Variants in ATL1 observed in about 807,000 individuals in gnomAD.
ATL1 encodes atlastin GTPase 1.
Under a neutral mutation model 75.5 loss-of-function variants are expected in ATL1, and 31 were observed. The ratio of observed to expected loss-of-function variants is 0.41; its 90% CI spans 0.31 to 0.55. The LOEUF is 0.55. Ranked by LOEUF, ATL1 falls within the 20% of genes least tolerant of loss-of-function variation. The probability of loss-of-function intolerance (pLI) is 0.27; values close to 1 mark genes in which losing one functional copy is unlikely to be tolerated. For missense variants in ATL1, 405 were observed against 662.6 expected (o/e 0.61, Z 4.27); for synonymous variants, 226 against 233.3 (o/e 0.97, Z 0.28).
intron 6 of ATL1, among the ~76,000 whole-genome samples, chr14:50,600,519 A>G (rs1252030744): frequency 6.6e-6 from 1 of 152,234 alleles, no homozygotes; most frequent in Non-Finnish European, 1.5e-5. Flanking sequence ...AAAACAAAAA[A>G]TACATTATAA....
At chr14:50,567,279 G>A (rs1184023600) in intron 1 of ATL1, among the ~76,000 whole-genome samples, 3 of 151,638 alleles carry the variant, frequency 2.0e-5, no homozygotes, top group Admixed American at 6.6e-5. Flanking sequence ...CATCCATATT[G>A]TAGAATATAT....
intron 8 of ATL1, among the ~76,000 whole-genome samples, chr14:50,619,303 C>G (rs1216696368): frequency 6.6e-6 from 1 of 152,102 alleles, no homozygotes; most frequent in East Asian, 1.9e-4. Context: ...TCATGATCCA[C>G]CCGCCTCAGC....
At chr14:50,585,834 G>T (rs1258294452) in intron 1 of ATL1, among the ~76,000 whole-genome samples, 1 of 152,102 alleles carries the variant, frequency 6.6e-6, no homozygotes, top group Non-Finnish European at 1.5e-5. Flanking sequence ...TTATCTTTCA[G>T]ATAAAAAGTC....
chr14:50,574,985 A>C (rs1241383150), intron 1 of ATL1, among the ~76,000 whole-genome samples: 1 of 86,532 alleles, frequency 1.2e-5, no homozygotes, highest in African/African-American at 4.4e-5. Context: ...ATTAGCTTTT[A>C]CTAGTTATGA....
intron 4 of ATL1, among the ~76,000 whole-genome samples, chr14:50,592,723 A>G (rs2039171057): frequency 6.6e-6 from 1 of 151,486 alleles, no homozygotes; most frequent in Non-Finnish European, 1.5e-5. Context: ...CATCCTGGCT[A>G]ACACGGTGAA....
At chr14:50,625,248 A>G (rs965044926) in intron 11 of ATL1, among the ~76,000 whole-genome samples, 2 of 152,196 alleles carry the variant, frequency 1.3e-5, no homozygotes, top group South Asian at 2.1e-4. Context: ...GTTCAATTCT[A>G]TGAATGCTGA....
intron 6 of ATL1, among the ~76,000 whole-genome samples, chr14:50,600,105 T>G (rs1452940759): frequency 6.6e-6 from 1 of 151,948 alleles, no homozygotes; most frequent in Non-Finnish European, 1.5e-5. Context: ...AGTAGGGAAC[T>G]CCATTGTAAA....
chr14:50,570,117 A>G lies in ATL1; in HGVS notation c.34+9818A>G, dbSNP rs145388978. 3.6e-4 allele frequency among the ~76,000 whole-genome samples: 55 copies of G among 152,306 alleles called. No homozygotes were observed. In the East Asian group the frequency reaches 8.7e-3, roughly 24 times the overall value. ...TTGGAAAGTTTTCAGCTATTATTCT[A>G]CAAATAATCTCTCTGCCACTTTCTC... On this transcript the variant is annotated intron_variant, in intron 1 of 13. Coordinates refer to ENST00000358385, the MANE Select transcript of ATL1 (RefSeq NM_015915.5).
chr14:50,542,199 C>T (rs1326679935), intron 1 of ATL1, among the ~76,000 whole-genome samples: 1 of 146,880 alleles, frequency 6.8e-6, no homozygotes, highest in Non-Finnish European at 1.5e-5. Context: ...AGTTACCCTG[C>T]ATGTTCTCAC....
intron 2 of ATL1, 127 bp downstream of exon 2, chr14:50,588,205 A>G: frequency 1.6e-6 from 2 of 1,227,444 alleles, no homozygotes; most frequent in Admixed American, 4.0e-5. Flanking sequence ...AGCTAAAGAA[A>G]TGCTGTGGTG....
intron 1 of ATL1, among the ~76,000 whole-genome samples, chr14:50,582,410 C>T (rs914681535): frequency 7.0e-6 from 1 of 143,652 alleles, no homozygotes; most frequent in African/African-American, 2.5e-5. Context: ...AAACTTTTCT[C>T]TTTTTTTTTT....
chr14:50,577,169 T>C (rs937612719), intron 1 of ATL1, among the ~76,000 whole-genome samples: 1 of 151,760 alleles, frequency 6.6e-6, no homozygotes. Flanking sequence ...TTCAAGCGAT[T>C]CTCCTGCCTT....
intron 1 of ATL1, among the ~76,000 whole-genome samples, chr14:50,584,257 A>G (rs1595595699): frequency 6.6e-6 from 1 of 152,236 alleles, no homozygotes; most frequent in African/African-American, 2.4e-5. Context: ...GTGTGCCTGT[A>G]GTCCCATCTA....
At chr14:50,596,850 T>A (rs59933378) in intron 6 of ATL1, among the ~76,000 whole-genome samples, 1,800 of 151,908 alleles carry the variant, frequency 0.012, 36 homozygotes, top group African/African-American at 0.042. Flanking sequence ...GGGAAAAAAA[T>A]ATAGCCATAA....
At chr14:50,629,371 C>T (rs1208476455) in intron 12 of ATL1, among the ~76,000 whole-genome samples, 1 of 151,960 alleles carries the variant, frequency 6.6e-6, no homozygotes, top group East Asian at 1.9e-4. Context: ...CATCTGAGGT[C>T]GGGAGTTTGA....
At chr14:50,629,344 G>C (rs888995353) in intron 12 of ATL1, among the ~76,000 whole-genome samples, 1 of 152,074 alleles carries the variant, frequency 6.6e-6, no homozygotes, top group African/African-American at 2.4e-5. Context: ...CACTTTCCGA[G>C]GCCAAAGTGG....
upstream of ATL1, chr14:50,560,108 C>T (rs2038816647): frequency 1.1e-5 from 9 of 807,036 alleles, no homozygotes; most frequent in Admixed American, 1.7e-4. Context: ...CCCTTTTCCT[C>T]CCCACTCCTT....
chr14:50,587,755 G>A, intron 1 of ATL1, 76 bp from the exon 2 acceptor site: 1 of 1,588,428 alleles, frequency 6.3e-7, no homozygotes, highest in Non-Finnish European at 8.6e-7. Flanking sequence ...TCGGATGTTT[G>A]AGAGTTAAGA....
intron 1 of ATL1, among the ~76,000 whole-genome samples, chr14:50,575,674 T>C (rs1211462642): frequency 6.6e-6 from 1 of 152,200 alleles, no homozygotes; most frequent in Non-Finnish European, 1.5e-5. Context: ...ATAGTTTCCT[T>C]GGTGGTATGT....
Sources: gnomAD v4.1 joint callset for allele counts (sites outside exome capture counted in the v4.1 genomes callset) on GRCh38, gnomAD v4.1.1 for gene constraint, MANE v1.5 for transcripts, NCBI Gene and HGNC (gene_info 2026-07-23, HGNC 2026-07-21) for gene names.